The following BACH2 variants were observed in gnomAD, a reference collection of about 807,000 sequenced individuals.
The protein encoded by BACH2 is transcription regulator protein BACH2.
BACH2 carries 5 observed loss-of-function variants against 61.8 expected under a neutral mutation model. The ratio of observed to expected loss-of-function variants is 0.08; its 90% CI spans 0.04 to 0.17. The LOEUF (loss-of-function observed/expected upper bound fraction) is 0.17, where lower values mean the gene tolerates loss of function less well. BACH2 is among the 10% of genes least tolerant of loss of function. The pLI, the probability that BACH2 is intolerant of heterozygous loss-of-function variation, is 1.00. For missense variants in BACH2, 824 were observed against 1,091.1 expected (o/e 0.76, Z 3.45); for synonymous variants, 446 against 440.1 (o/e 1.01, Z -0.17).
Position 90,008,639 on chromosome 6 carries a change from T to C in BACH2, c.206A>G (p.Gln69Arg). The C allele has an allele frequency of 6.2e-7, 1 of 1,614,246 alleles. No homozygotes were observed. Among genetic ancestry groups the C allele is most frequent in the Non-Finnish European group, 8.5e-7 (1 of 1,180,038 alleles). The change falls in exon 6 of 9, where the codon CAG (glutamine) becomes CGG (arginine). Residue 69 changes from glutamine (Q) to arginine (R), a missense_variant. This residue lies in a region of BACH2 where 66 missense variants were observed against 144.8 expected (regional missense o/e 0.46). Transcript: ENST00000257749. The surrounding 1 kb of genome is among the most constrained non-coding windows in gnomAD (Gnocchi z 4.1). Reference protein sequence around the residue: ...SEYFWQALVGQTKNDLVVSLP... With the variant: ...SEYFWQALVGRTKNDLVVSLP... Reference sequence around the variant, plus strand: ...GCTGACCACCAAATCATTTTTTGTCTGTCCAACCAGCGCCTGCCAAAAATA... The same window carrying C: ...GCTGACCACCAAATCATTTTTTGTCCGTCCAACCAGCGCCTGCCAAAAATA...
rs116711346 is a variant in BACH2 at position 89,929,365 on chromosome 6, G to A, written c.*3043C>T. Reference sequence around the variant, plus strand: ...AGGTTTTAAAATTCCACTTGAGGCCGTTTGGATTCTGGTCCCCAGCAAGTC... The same window carrying A: ...AGGTTTTAAAATTCCACTTGAGGCCATTTGGATTCTGGTCCCCAGCAAGTC... On this transcript the variant is annotated 3_prime_UTR_variant, in exon 9 of 9. Transcript: ENST00000257749. The A allele has an allele frequency of 5.1e-3, 779 of 152,442 alleles. 2 individuals are homozygous for A. The highest frequency in any genetic ancestry group is 9.9e-3 in the African/African-American group (410 of 41,562). 9.4% of individuals were successfully genotyped at this position (152,442 alleles called of 1,614,324 possible).
At chr6:90,017,921 A>G (rs1208698068) in intron 5 of BACH2, among the ~76,000 whole-genome samples, 1 of 152,154 alleles carries the variant, frequency 6.6e-6, no homozygotes, top group Non-Finnish European at 1.5e-5. Flanking sequence ...TGTTCCCATA[A>G]ATAATCTTGA....
At chr6:90,038,977 T>C (rs1779395855) in intron 5 of BACH2, among the ~76,000 whole-genome samples, 2 of 151,486 alleles carry the variant, frequency 1.3e-5, no homozygotes, top group Admixed American at 1.3e-4. Context: ...GAGGGAGAGG[T>C]TGCAGTGAGC....
At chr6:90,064,179 G>C (rs931473490) in intron 5 of BACH2, among the ~76,000 whole-genome samples, 2 of 152,206 alleles carry the variant, frequency 1.3e-5, no homozygotes. Context: ...TAAACAGAAT[G>C]TGATATGTGC....
intron 4 of BACH2, among the ~76,000 whole-genome samples, chr6:90,123,890 T>C (rs1310806544): frequency 1.3e-5 from 2 of 151,894 alleles, no homozygotes; most frequent in African/African-American, 4.8e-5. Flanking sequence ...AGCACAATGA[T>C]TCTGAGGGGA....
intron 5 of BACH2, among the ~76,000 whole-genome samples, chr6:90,011,288 G>A (rs893178516): frequency 5.9e-5 from 9 of 152,024 alleles, no homozygotes; most frequent in South Asian, 2.1e-4. Context: ...AATCATTCCC[G>A]CAGCATTGTT....
chr6:90,073,957 C>T (rs555073680), intron 5 of BACH2, among the ~76,000 whole-genome samples: 5 of 152,090 alleles, frequency 3.3e-5, no homozygotes, highest in Non-Finnish European at 5.9e-5. Context: ...TTGACAAAAA[C>T]GGAGGAATTT....
At chr6:90,005,888 A>C (rs1777378934) in intron 6 of BACH2, among the ~76,000 whole-genome samples, 1 of 152,260 alleles carries the variant, frequency 6.6e-6, no homozygotes, top group South Asian at 2.1e-4. Context: ...GATGATAATC[A>C]TTTTACAGGG....
chr6:90,109,119 C>T (rs557759930), intron 4 of BACH2, among the ~76,000 whole-genome samples: 9 of 152,162 alleles, frequency 5.9e-5, no homozygotes, highest in Non-Finnish European at 1.2e-4. Context: ...TCTTTACTTG[C>T]TGCCATTATT....
chr6:90,054,568 G>C (rs1780227448), intron 5 of BACH2, among the ~76,000 whole-genome samples: 3 of 152,240 alleles, frequency 2.0e-5, no homozygotes, highest in Admixed American at 2.0e-4. Flanking sequence ...CAAACAAAAA[G>C]ACAGCAGTAA....
chr6:90,030,014 G>A (rs1778875858), intron 5 of BACH2, among the ~76,000 whole-genome samples: 2 of 152,210 alleles, frequency 1.3e-5, no homozygotes, highest in Admixed American at 1.3e-4. Flanking sequence ...CTTTATTTCT[G>A]AAGCTCTCTG....
chr6:90,145,047 C>T (rs1784572910), intron 4 of BACH2, among the ~76,000 whole-genome samples: 1 of 152,142 alleles, frequency 6.6e-6, no homozygotes, highest in Non-Finnish European at 1.5e-5. Context: ...CTCCCACCCC[C>T]CAAATAAACC....
intron 8 of BACH2, among the ~76,000 whole-genome samples, chr6:89,933,372 T>C (rs292256): frequency 0.58 from 87,725 of 151,752 alleles, 26,073 homozygotes; most frequent in Non-Finnish European, 0.64. Context: ...TCTGTGGTTG[T>C]TAGGGGTAAA....
intron 4 of BACH2, among the ~76,000 whole-genome samples, chr6:90,154,177 C>T (rs1784914175): frequency 6.6e-6 from 1 of 152,042 alleles, no homozygotes; most frequent in Non-Finnish European, 1.5e-5. Context: ...TAGCTATTTG[C>T]AGAGTAGAAT....
chr6:90,187,918 G>C (rs1248150504), intron 4 of BACH2, among the ~76,000 whole-genome samples: 1 of 152,150 alleles, frequency 6.6e-6, no homozygotes, highest in African/African-American at 2.4e-5. Context: ...GCAGTTAGAG[G>C]AGCAGCAAAG....
chr6:90,174,268 A>G (rs1304243671), intron 4 of BACH2, among the ~76,000 whole-genome samples: 1 of 152,048 alleles, frequency 6.6e-6, no homozygotes, highest in Non-Finnish European at 1.5e-5. Flanking sequence ...TTGCTTCAAT[A>G]TCAATCAGTG....
chr6:90,026,885 G>A (rs1778663178), intron 5 of BACH2, among the ~76,000 whole-genome samples: 1 of 152,146 alleles, frequency 6.6e-6, no homozygotes, highest in African/African-American at 2.4e-5. Flanking sequence ...AGGCTAGAAC[G>A]AATGAAGTTT....
chr6:89,983,977 G>A (rs957857755), intron 6 of BACH2, among the ~76,000 whole-genome samples: 2 of 152,072 alleles, frequency 1.3e-5, no homozygotes, highest in African/African-American at 4.8e-5. Flanking sequence ...TTTCTTCCCC[G>A]ATCCTTCCTT....
At chr6:90,060,444 T>C (rs1780625160) in intron 5 of BACH2, among the ~76,000 whole-genome samples, 1 of 152,286 alleles carries the variant, frequency 6.6e-6, no homozygotes, top group Middle Eastern at 3.4e-3. Flanking sequence ...AATTTTTTGA[T>C]AATTTTTTTT....
Sources: gnomAD v4.1 joint callset for allele counts (sites outside exome capture counted in the v4.1 genomes callset) on GRCh38, gnomAD v4.1.1 for gene constraint, gnomAD v4.1.1 regional missense constraint, Gnocchi (gnomAD v3.1) non-coding constraint, MANE v1.5 for transcripts, NCBI Gene and HGNC (gene_info 2026-07-23, HGNC 2026-07-21) for gene names.